Variants in FGF12 observed in about 807,000 individuals in gnomAD.
FGF12 encodes fibroblast growth factor 12.
In FGF12, 14 loss-of-function variants were observed where a neutral mutation model predicts 23.6. That is an observed-to-expected ratio of 0.59 (90% CI 0.39 to 0.93). The LOEUF (loss-of-function observed/expected upper bound fraction) is 0.93. Among genes scored for constraint, FGF12 ranks in the 40% least tolerant of loss-of-function variants. FGF12 has a pLI of 0.00. For missense variants in FGF12, 175 were observed against 217.8 expected (o/e 0.80, Z 1.24); for synonymous variants, 62 against 77.3 (o/e 0.80, Z 1.04).
At chr3:192,495,022 G>A (rs961791837) in intron 2 of FGF12, among the ~76,000 whole-genome samples, 14 of 151,934 alleles carry the variant, frequency 9.2e-5, no homozygotes, top group African/African-American at 2.9e-4. Context: ...CACCTCGCCC[G>A]GCCAATTTTT....
intron 5 of FGF12, among the ~76,000 whole-genome samples, chr3:192,146,909 T>C (rs1713758725): frequency 6.6e-6 from 1 of 152,200 alleles, no homozygotes; most frequent in Non-Finnish European, 1.5e-5. Context: ...TTGCTCTTTT[T>C]CTCATACAAC....
intron 2 of FGF12, among the ~76,000 whole-genome samples, chr3:192,542,064 G>A (rs553697631): frequency 1.3e-5 from 2 of 150,178 alleles, no homozygotes; most frequent in African/African-American, 4.9e-5. Flanking sequence ...GTGGAGACGG[G>A]GTTTCACCAT....
chr3:192,247,967 A>G (rs984673826), intron 4 of FGF12, among the ~76,000 whole-genome samples: 6 of 152,362 alleles, frequency 3.9e-5, no homozygotes, highest in African/African-American at 1.4e-4. Context: ...TGCTTAAGAA[A>G]TTGAGCTATC....
rs1560175483 is a variant in FGF12 at position 192,167,745 on chromosome 3, ATATATATATATATATATATATAT to A, written c.427+2690_427+2712del. ...GTAGGTTATAGGTATATATATATAT[ATATATATATATATATATATATAT>A]AAAATTTTTTTTTTTTTTTTTTTTT... is the stretch of plus-strand genomic sequence containing the variant. On this transcript the variant is annotated intron_variant, in intron 5 of 5. Transcript: ENST00000445105. Among the ~76,000 whole-genome samples, 5 of 23,418 alleles carry A rather than the reference ATATATATATATATATATATATAT, an allele frequency of 2.1e-4. No homozygotes were observed. In the East Asian group the frequency reaches 4.3e-3, roughly 20 times the overall value. 15.4% of individuals were successfully genotyped at this position (23,418 alleles called of 152,430 possible).
chr3:192,720,963 G>A (rs547507541), intron 2 of FGF12, among the ~76,000 whole-genome samples: 35 of 152,214 alleles, frequency 2.3e-4, no homozygotes, highest in Non-Finnish European at 3.4e-4. Context: ...CCCATCCAAG[G>A]TGTAATACTT....
intron 2 of FGF12, among the ~76,000 whole-genome samples, chr3:192,566,034 C>T (rs1383694020): frequency 3.3e-5 from 5 of 152,104 alleles, no homozygotes; most frequent in African/African-American, 7.2e-5. Flanking sequence ...TGCGGTGAGC[C>T]GAGATTGCGC....
chr3:192,727,388 C>A, intron 1 of FGF12, 65 bp from the exon 2 acceptor site: 1 of 1,488,968 alleles, frequency 6.7e-7, no homozygotes, highest in Non-Finnish European at 8.9e-7. Context: ...TTAGGAGCAG[C>A]AGCAGATTGC....
intron 3 of FGF12, among the ~76,000 whole-genome samples, chr3:192,341,696 A>G (rs905280668): frequency 2.0e-5 from 3 of 152,206 alleles, no homozygotes; most frequent in African/African-American, 4.8e-5. Context: ...CAAATGAGAA[A>G]AGAAAAACTA....
chr3:192,412,255 T>C (rs568422733), intron 2 of FGF12, among the ~76,000 whole-genome samples: 1 of 152,308 alleles, frequency 6.6e-6, no homozygotes, highest in Non-Finnish European at 1.5e-5. Flanking sequence ...CTTTAGTCTT[T>C]GTGTTGCTGA....
chr3:192,264,326 T>C (rs1005748065), intron 4 of FGF12, among the ~76,000 whole-genome samples: 4 of 152,040 alleles, frequency 2.6e-5, no homozygotes, highest in African/African-American at 9.7e-5. Flanking sequence ...AGCTAAATAA[T>C]ACAATTGCCT....
At chr3:192,515,002 G>C in intron 2 of FGF12, 1 of 274,994 alleles carries the variant, frequency 3.6e-6, no homozygotes, top group Non-Finnish European at 5.5e-6. Context: ...CGGTGGGCTC[G>C]AGCACGGCCC....
chr3:192,147,638 G>C (rs1270166563), intron 5 of FGF12, among the ~76,000 whole-genome samples: 3 of 151,954 alleles, frequency 2.0e-5, no homozygotes, highest in Non-Finnish European at 2.9e-5. Context: ...AATATAGTAG[G>C]TGAGAAATTA....
At chr3:192,538,282 T>G (rs1725283721) in intron 2 of FGF12, among the ~76,000 whole-genome samples, 1 of 152,082 alleles carries the variant, frequency 6.6e-6, no homozygotes, top group South Asian at 2.1e-4. Context: ...TTTGTTTTTG[T>G]TTTTGTATAT....
intron 5 of FGF12, among the ~76,000 whole-genome samples, chr3:192,169,906 G>A (rs576879251): frequency 2.0e-5 from 3 of 150,488 alleles, no homozygotes; most frequent in Admixed American, 6.7e-5. Context: ...AAATGATTAC[G>A]AGAGAAAAGG....
chr3:192,412,670 A>G (rs1030180958), intron 2 of FGF12, among the ~76,000 whole-genome samples: 1 of 152,246 alleles, frequency 6.6e-6, no homozygotes, highest in African/African-American at 2.4e-5. Flanking sequence ...AAGTTAGCTA[A>G]GACCTAAATA....
intron 2 of FGF12, among the ~76,000 whole-genome samples, chr3:192,549,008 C>G (rs183100772): frequency 6.6e-6 from 1 of 152,086 alleles, no homozygotes; most frequent in South Asian, 2.1e-4. Context: ...TATTATAAAC[C>G]ACTGCCACAT....
chr3:192,385,952 A>C (rs1056066931), intron 2 of FGF12, among the ~76,000 whole-genome samples: 6 of 152,214 alleles, frequency 3.9e-5, no homozygotes, highest in African/African-American at 1.4e-4. Context: ...GTCCAGGACA[A>C]AGGCCCCTAC....
At chr3:192,178,759 A>G (rs1716002727) in intron 4 of FGF12, among the ~76,000 whole-genome samples, 1 of 152,180 alleles carries the variant, frequency 6.6e-6, no homozygotes, top group Non-Finnish European at 1.5e-5. Flanking sequence ...TGGCCTCCCA[A>G]AGTGCTGGGA....
At chr3:192,420,204 G>A (rs1347253432) in intron 2 of FGF12, among the ~76,000 whole-genome samples, 1 of 152,222 alleles carries the variant, frequency 6.6e-6, no homozygotes, top group African/African-American at 2.4e-5. Flanking sequence ...AAATGGTCGG[G>A]GGTGGAAATC....
Sources: allele counts gnomAD v4.1 joint callset (sites outside exome capture counted in the v4.1 genomes callset), GRCh38; gene constraint gnomAD v4.1.1; transcripts MANE v1.5; gene names NCBI Gene and HGNC (gene_info 2026-07-23, HGNC 2026-07-21).